AMBRA1: variants seen among roughly 807,000 people sequenced by gnomAD.
The protein encoded by AMBRA1 is activating molecule in BECN1-regulated autophagy protein 1.
In AMBRA1, 47 loss-of-function variants were observed where a neutral mutation model predicts 125.4. The observed-to-expected ratio is 0.37, with a 90% confidence interval of 0.30 to 0.48. The LOEUF is 0.48. Ranked by LOEUF, AMBRA1 falls within the 20% of genes least tolerant of loss-of-function variation. The pLI, the probability that AMBRA1 is intolerant of heterozygous loss-of-function variation, is 0.99. For missense variants in AMBRA1, 1,331 were observed against 1,693.4 expected, an observed-to-expected ratio of 0.79 and a Z score of 3.76; for synonymous variants, 626 against 655.5, an observed-to-expected ratio of 0.95 and a Z score of 0.69.
rs532569650 is a variant in AMBRA1 at position 46,584,731 on chromosome 11, C to G, written c.-121+9097G>C. Among the ~76,000 whole-genome samples the G allele has an allele frequency of 5.9e-5, 9 of 152,050 alleles. No individual in the cohort carries two copies. The South Asian group carries it at 1.9e-3, about 32-fold the overall frequency. On this transcript the variant is annotated intron_variant, in intron 1 of 17. Transcript: ENST00000683756. ...TCAGGCAGTCCTCCTGCCTCAGCCT[C>G]GCAAGCAGCTGGAAATACAGGCATG...
intron 11 of AMBRA1, among the ~76,000 whole-genome samples, chr11:46,485,391 C>T (rs78945435): frequency 0.05 from 7,643 of 152,300 alleles, 596 homozygotes; most frequent in African/African-American, 0.17. Flanking sequence ...CTTCTTCAAA[C>T]TGTACGAAAG....
intron 7 of AMBRA1, among the ~76,000 whole-genome samples, chr11:46,528,720 T>C (rs1221231929): frequency 3.3e-5 from 5 of 152,282 alleles, no homozygotes; most frequent in African/African-American, 9.6e-5. Context: ...TAATGTGTAC[T>C]GTACACTTTT....
chr11:46,409,063 T>C (rs1417495593), intron 16 of AMBRA1, among the ~76,000 whole-genome samples: 1 of 152,226 alleles, frequency 6.6e-6, no homozygotes. Context: ...GCTGAGATCA[T>C]GGGATAAAGA....
intron 11 of AMBRA1, among the ~76,000 whole-genome samples, chr11:46,483,045 T>C (rs1327139015): frequency 6.7e-6 from 1 of 148,918 alleles, no homozygotes; most frequent in Admixed American, 6.7e-5. Flanking sequence ...GTAAAAACCA[T>C]GAATCTGCTT....
chr11:46,500,848 T>TTTA (rs1344858449), intron 9 of AMBRA1, among the ~76,000 whole-genome samples: 3 of 152,230 alleles, frequency 2.0e-5, no homozygotes, highest in Non-Finnish European at 4.4e-5. Flanking sequence ...ACTCTCTCCC[T>TTTA]TTATACAATG....
intron 7 of AMBRA1, among the ~76,000 whole-genome samples, chr11:46,517,994 A>G (rs1252480855): frequency 6.6e-6 from 1 of 152,164 alleles, no homozygotes; most frequent in Non-Finnish European, 1.5e-5. Flanking sequence ...CATTTAGGGA[A>G]TGTGGGTAAA....
rs756586927 is a variant in AMBRA1, at chr11:46,397,946, G to C, written c.3404-3C>G. ...GGCACCATACTCTGAACCCTCACCT[G>C]GCAGATACAAAGCAGAAGAGAGAGC... On this transcript the variant is annotated splice_region_variant and splice_polypyrimidine_tract_variant and intron_variant, in intron 17 of 17. Coordinates refer to ENST00000683756, the MANE Select transcript of AMBRA1 (RefSeq NM_001387011.1). 6.3e-7 allele frequency: 1 copy of C among 1,585,408 alleles called. No homozygotes were observed. Among genetic ancestry groups the C allele is most frequent in the African/African-American group, 1.3e-5 (1 of 74,688 alleles).
At chr11:46,470,355 G>A (rs1360139901) in intron 11 of AMBRA1, among the ~76,000 whole-genome samples, 3 of 152,066 alleles carry the variant, frequency 2.0e-5, no homozygotes, top group African/African-American at 7.2e-5. Context: ...TTGGGAGTCC[G>A]AGACGGGCGG....
chr11:46,400,224 T>C (rs1303404308), intron 17 of AMBRA1, among the ~76,000 whole-genome samples: 1 of 152,122 alleles, frequency 6.6e-6, no homozygotes, highest in Non-Finnish European at 1.5e-5. Flanking sequence ...TCAGCTACTG[T>C]TTGGAATTTT....
intron 11 of AMBRA1, among the ~76,000 whole-genome samples, chr11:46,470,939 T>G (rs970538426): frequency 6.6e-6 from 1 of 152,162 alleles, no homozygotes; most frequent in African/African-American, 2.4e-5. Flanking sequence ...AACTAATAAG[T>G]TCACCATATA....
intron 1 of AMBRA1, among the ~76,000 whole-genome samples, chr11:46,576,438 C>A (rs1415617119): frequency 6.6e-6 from 1 of 152,136 alleles, no homozygotes; most frequent in Non-Finnish European, 1.5e-5. Flanking sequence ...AGACATATTG[C>A]TTTGATTAAC....
intron 1 of AMBRA1, among the ~76,000 whole-genome samples, chr11:46,563,111 A>G (rs945226600): frequency 3.3e-5 from 5 of 152,138 alleles, no homozygotes; most frequent in Admixed American, 1.3e-4. Flanking sequence ...ATAATTATAC[A>G]TAACATTTGA....
chr11:46,402,640 A>G (rs1312446038), intron 17 of AMBRA1, among the ~76,000 whole-genome samples: 4 of 152,200 alleles, frequency 2.6e-5, no homozygotes, highest in African/African-American at 9.7e-5. Context: ...CTGGGATTAC[A>G]GGCATGAGCC....
chr11:46,545,589 G>A lies in AMBRA1; in HGVS notation c.551+15C>T, dbSNP rs369928404. ...AGTCCTGTGCCAGACAATGCAGATG[G>A]GGCAGCGCACTCACCGGACCCGTTC... On this transcript the variant is annotated intron_variant, in intron 5 of 17. Transcript: ENST00000683756. 4.3e-6 allele frequency: 7 copies of A among 1,612,370 alleles called. No individual in the cohort carries two copies. Among genetic ancestry groups the A allele is most frequent in the African/African-American group, 2.7e-5 (2 of 75,014 alleles).
intron 1 of AMBRA1, among the ~76,000 whole-genome samples, chr11:46,593,075 TAC>T (rs1210872711): frequency 6.6e-6 from 1 of 152,172 alleles, no homozygotes; most frequent in African/African-American, 2.4e-5. Flanking sequence ...GTTAAAATGA[TAC>T]AGACTTTGAA....
chr11:46,503,310 C>T (rs1300687527), intron 9 of AMBRA1, among the ~76,000 whole-genome samples: 1 of 151,918 alleles, frequency 6.6e-6, no homozygotes, highest in African/African-American at 2.4e-5. Context: ...AATAGGAAGG[C>T]CCAAGAAGAG....
intron 8 of AMBRA1, among the ~76,000 whole-genome samples, chr11:46,509,673 A>T (rs1054140664): frequency 3.9e-5 from 6 of 152,168 alleles, no homozygotes; most frequent in South Asian, 2.1e-4. Context: ...TAAAATCTTA[A>T]GTGGGAGAAA....
chr11:46,412,655 C>G (rs1314343343), intron 15 of AMBRA1, among the ~76,000 whole-genome samples: 1 of 152,096 alleles, frequency 6.6e-6, no homozygotes, highest in Non-Finnish European at 1.5e-5. Flanking sequence ...GGTTTGTTGA[C>G]TCCATGAATG....
intron 7 of AMBRA1, among the ~76,000 whole-genome samples, chr11:46,519,798 C>G (rs1339189744): frequency 6.6e-6 from 1 of 152,186 alleles, no homozygotes; most frequent in African/African-American, 2.4e-5. Context: ...ACTATATGCT[C>G]TAGTCCAGTG....
Sources: gnomAD v4.1 joint callset for allele counts (sites outside exome capture counted in the v4.1 genomes callset) on GRCh38, gnomAD v4.1.1 for gene constraint, MANE v1.5 for transcripts, NCBI Gene and HGNC (gene_info 2026-07-23, HGNC 2026-07-21) for gene names.